Variants in APOOL observed in about 807,000 individuals in gnomAD.
APOOL encodes apolipoprotein O like, also known as MICOS complex subunit MIC27.
A neutral mutation model predicts 23.1 loss-of-function variants in APOOL; 12 were observed. The ratio of observed to expected loss-of-function variants is 0.52; its 90% CI spans 0.33 to 0.84. The LOEUF is 0.84. APOOL is among the 40% of genes least tolerant of loss of function. The pLI is 0.02. For missense variants in APOOL, 212 were observed against 199.6 expected (o/e 1.06, Z -0.37); for synonymous variants, 77 against 69.9 (o/e 1.10, Z -0.51).
chrX:85,011,735 C>T (rs1407309283), intron 1 of APOOL, among the ~76,000 whole-genome samples: 2 of 111,862 alleles, frequency 1.8e-5, no homozygotes, highest in African/African-American at 6.5e-5. Flanking sequence ...GTTTTGGTAA[C>T]TGTAGCCTAG....
chrX:85,057,555 A>G (rs1489023483), intron 5 of APOOL, among the ~76,000 whole-genome samples: 6 of 105,496 alleles, frequency 5.7e-5, no homozygotes, highest in Non-Finnish European at 1.9e-5. Flanking sequence ...CTTATTGTGT[A>G]TATATATATA....
Position 85,003,924 on chromosome X carries a change from C to T in APOOL, c.12C>T (p.Ile4=), listed in dbSNP as rs764151366. 1.7e-6 allele frequency: 2 copies of T among 1,210,141 alleles called. No homozygotes were observed. The highest frequency in any genetic ancestry group is 2.2e-6 in the Non-Finnish European group (2 of 895,180). MAA[I]RMGKLTTMPA... is the part of the protein sequence containing the mutation. ...AAAGGGTTGTAGACATGGCGGCCATCAGGGTAAGCGAAAACCAACTTGCTT... is the reference window on the plus strand; with the variant it reads ...AAAGGGTTGTAGACATGGCGGCCATTAGGGTAAGCGAAAACCAACTTGCTT... The change falls in exon 1 of 9, where the codon ATC becomes ATT. Residue 4 remains isoleucine, a synonymous_variant. Coordinates refer to ENST00000373173, the MANE Select transcript of APOOL (RefSeq NM_198450.6).
At chrX:85,017,413 C>A (rs1921514865) in intron 1 of APOOL, among the ~76,000 whole-genome samples, 1 of 111,690 alleles carries the variant, frequency 9.0e-6, no homozygotes, top group African/African-American at 3.3e-5. Flanking sequence ...CTGCCCTGGG[C>A]CATAAGTTGC....
intron 2 of APOOL, among the ~76,000 whole-genome samples, chrX:85,050,615 A>G (rs1006406904): frequency 1.8e-5 from 2 of 109,870 alleles, no homozygotes; most frequent in Non-Finnish European, 3.8e-5. Context: ...GCAAAAAAAA[A>G]AAAAAAATTT....
At chrX:85,008,215 T>C in intron 1 of APOOL, among the ~76,000 whole-genome samples, 1 of 111,870 alleles carries the variant, frequency 8.9e-6, no homozygotes, top group African/African-American at 3.2e-5. Flanking sequence ...GTGGAATGAT[T>C]ACCAGAATCA....
At chrX:85,037,342 T>C (rs954110150) in intron 1 of APOOL, among the ~76,000 whole-genome samples, 1 of 111,467 alleles carries the variant, frequency 9.0e-6, no homozygotes, top group Non-Finnish European at 1.9e-5. Context: ...CTCTTTGTAG[T>C]GAGTAAGTCT....
Position 85,088,345 on chromosome X carries a change from T to TTTTTTTG in APOOL, c.*667_*668insTTTTTTG, listed in dbSNP as rs1924438508. 1.2e-5 allele frequency: 1 copy of TTTTTTTG among 84,827 alleles called. No homozygotes were observed. 7.0% of individuals were successfully genotyped at this position (84,827 alleles called of 1,213,427 possible). ...TTTTTTTTTTTTTTTTTTTTTTTTT[T>TTTTTTTG]CCCATTTCCTAGAGCTGGAATAAAA... On this transcript the variant is annotated 3_prime_UTR_variant, in exon 9 of 9. Coordinates refer to ENST00000373173, the MANE Select transcript of APOOL (RefSeq NM_198450.6).
intron 1 of APOOL, among the ~76,000 whole-genome samples, chrX:85,012,404 G>A (rs1219488317): frequency 1.8e-5 from 2 of 111,400 alleles, no homozygotes; most frequent in African/African-American, 3.3e-5. Context: ...GGTGACAGTG[G>A]TTATCCTTGT....
chrX:85,071,157 A>T (rs1283351681), intron 6 of APOOL, among the ~76,000 whole-genome samples: 2 of 111,452 alleles, frequency 1.8e-5, no homozygotes, highest in Non-Finnish European at 3.8e-5. Flanking sequence ...CTGTTTCTCG[A>T]TGAAAGACTA....
At chrX:85,080,118 C>T (rs1199442932) in intron 8 of APOOL, among the ~76,000 whole-genome samples, 1 of 111,312 alleles carries the variant, frequency 9.0e-6, no homozygotes, top group Non-Finnish European at 1.9e-5. Flanking sequence ...TTAGTTATTT[C>T]TTGCCTTCTG....
intron 1 of APOOL, among the ~76,000 whole-genome samples, chrX:85,027,199 G>T (rs1041578673): frequency 2.5e-4 from 28 of 110,999 alleles, no homozygotes; most frequent in African/African-American, 8.5e-4. Context: ...AAGAGAAGTC[G>T]GGGGAGGGAA....
At chrX:85,056,649 A>C (rs985277787) in intron 5 of APOOL, among the ~76,000 whole-genome samples, 2 of 111,226 alleles carry the variant, frequency 1.8e-5, no homozygotes, top group African/African-American at 6.5e-5. Context: ...AGGCTGAGGC[A>C]GGAGAATCAC....
chrX:85,036,710 T>A (rs1922229103), intron 1 of APOOL, among the ~76,000 whole-genome samples: 1 of 111,531 alleles, frequency 9.0e-6, no homozygotes, highest in South Asian at 3.8e-4. Context: ...TTTAAAATTT[T>A]ATTTCAATAG....
chrX:85,092,167 T>G lies in APOOL; in HGVS notation c.*4489T>G. 1 of 326,646 alleles carries G rather than the reference T, an allele frequency of 3.1e-6. No homozygotes were observed. Among genetic ancestry groups the G allele is most frequent in the Non-Finnish European group, 5.3e-6 (1 of 188,271 alleles). 26.9% of individuals were successfully genotyped at this position (326,646 alleles called of 1,213,427 possible). A position where few individuals can be genotyped will look rare whatever the true frequency, so the allele number is the denominator to read the frequency against. On this transcript the variant is annotated 3_prime_UTR_variant, in exon 9 of 9. Coordinates refer to ENST00000373173, the MANE Select transcript of APOOL (RefSeq NM_198450.6). ...CTAAGTATAAGTGACTTTTAAATTA[T>G]CTGCTCTTTTGGATTATCACTACTG...
intron 6 of APOOL, among the ~76,000 whole-genome samples, chrX:85,072,630 C>T (rs1014461720): frequency 5.4e-5 from 6 of 110,892 alleles, no homozygotes; most frequent in African/African-American, 2.0e-4. Flanking sequence ...GTTAAATCAT[C>T]GTGCCTCAAT....
At position 85,074,082 on chromosome X, in the gene APOOL, T is replaced by A. The variant is rs1268187738; in HGVS notation, c.571T>A (p.Ser191Thr). 2 of 1,165,939 alleles carry A rather than the reference T, an allele frequency of 1.7e-6. No homozygotes were observed. Among genetic ancestry groups the A allele is most frequent in the Non-Finnish European group, 2.3e-6 (2 of 872,952 alleles). ...GTGGACAAAAAGCAGCAAAGAAGAG[T>A]CACTCCCTAAACCTAAAGAAAAAAC... ...SLWTKSSKEE[S>T]LPKPKEKTKL... Residue 191 changes from serine to threonine, a missense_variant, in exon 7 of 9, where the codon TCA (serine) becomes ACA (threonine). Physicochemically the swap from Ser to Thr is moderately conservative, Grantham distance 58 (BLOSUM62 1). Coordinates refer to ENST00000373173, the MANE Select transcript of APOOL (RefSeq NM_198450.6).
At chrX:85,010,289 T>C (rs1426995516) in intron 1 of APOOL, among the ~76,000 whole-genome samples, 1 of 112,282 alleles carries the variant, frequency 8.9e-6, no homozygotes, top group East Asian at 2.8e-4. Flanking sequence ...CTGTTAAGCA[T>C]CTTTTCATAC....
chrX:85,031,810 A>G (rs996159141), intron 1 of APOOL, among the ~76,000 whole-genome samples: 1 of 112,166 alleles, frequency 8.9e-6, no homozygotes, highest in Admixed American at 9.4e-5. Context: ...AACAAACAGT[A>G]TTTTAGAAAG....
chrX:85,077,043 ACG>A (rs1251880722), intron 8 of APOOL, among the ~76,000 whole-genome samples: 2 of 90,157 alleles, frequency 2.2e-5, no homozygotes, highest in African/African-American at 8.8e-5. Context: ...GTATATATAT[ACG>A]TATATGTATA....
Sources: allele counts gnomAD v4.1 joint callset (sites outside exome capture counted in the v4.1 genomes callset), GRCh38; gene constraint gnomAD v4.1.1; transcripts MANE v1.5; gene names NCBI Gene and HGNC (gene_info 2026-07-23, HGNC 2026-07-21).